The following ALMS1 variants were observed in gnomAD, a reference collection of about 807,000 sequenced individuals.
ALMS1 encodes ALMS1 centrosome and basal body associated protein, also known as centrosome-associated protein ALMS1.
Under a neutral mutation model 352.2 loss-of-function variants are expected in ALMS1, and 271 were observed. That is an observed-to-expected ratio of 0.77 (90% confidence interval 0.70 to 0.85). ALMS1 has a LOEUF of 0.85. Ranked by LOEUF, ALMS1 falls within the 40% of genes least tolerant of loss-of-function variation. The pLI, the probability that ALMS1 is intolerant of heterozygous loss-of-function variation, is 0.00. For synonymous variants in ALMS1, 1,865 were observed against 1,761.2 expected (o/e 1.06, Z -1.48); for missense variants, 5,445 against 4,870.7 (o/e 1.12, Z -3.51).
At chr2:73,553,501 C>T (rs983467757) in intron 13 of ALMS1, among the ~76,000 whole-genome samples, 2 of 151,990 alleles carry the variant, frequency 1.3e-5, no homozygotes, top group African/African-American at 4.8e-5. Flanking sequence ...CTATTTGCAG[C>T]TATGAGGATG....
intron 16 of ALMS1, among the ~76,000 whole-genome samples, chr2:73,594,927 T>G (rs1461333798): frequency 1.3e-5 from 2 of 152,194 alleles, no homozygotes; most frequent in Non-Finnish European, 2.9e-5. Context: ...CAGCTAAGCT[T>G]GTTGTGCTTC....
intron 1 of ALMS1, among the ~76,000 whole-genome samples, chr2:73,406,871 C>T (rs1339740452): frequency 6.6e-6 from 1 of 152,198 alleles, no homozygotes; most frequent in African/African-American, 2.4e-5. Context: ...AAGTGATCCA[C>T]TTGCCTTGCC....
At chr2:73,415,764 G>A (rs1671172060) in intron 2 of ALMS1, among the ~76,000 whole-genome samples, 2 of 152,174 alleles carry the variant, frequency 1.3e-5, no homozygotes, top group African/African-American at 4.8e-5. Flanking sequence ...ATTCATGCAA[G>A]GAGACGGTTC....
intron 10 of ALMS1, among the ~76,000 whole-genome samples, chr2:73,492,008 A>G (rs754972040): frequency 1.3e-5 from 2 of 152,200 alleles, no homozygotes; most frequent in African/African-American, 2.4e-5. Flanking sequence ...CAAATGATGA[A>G]GATTAGCATC....
rs747443620 is a variant in ALMS1, at chr2:73,424,458, G to A, written c.793G>A (p.Glu265Lys). ...RGIPDKSEDT[E>K]WSSRPSEVSE... ...AATTCCTGATAAGTCTGAAGATACT[G>A]AATGGTCTTCTCGACCATCGGAAGT... The change falls in exon 5 of 23, where the codon GAA becomes AAA. Residue 265 changes from glutamate (E) to lysine (K), a missense_variant. Transcript: ENST00000613296. 3.8e-6 allele frequency: 6 copies of A among 1,598,340 alleles called. 1 individual carries two copies. Among genetic ancestry groups the A allele is most frequent in the Non-Finnish European group, 3.4e-6 (4 of 1,174,398 alleles).
chr2:73,536,438 A>C (rs1418773530), intron 12 of ALMS1, among the ~76,000 whole-genome samples: 1 of 152,124 alleles, frequency 6.6e-6, no homozygotes, highest in Non-Finnish European at 1.5e-5. Context: ...TACTGTATGC[A>C]TCAGTACGAC....
intron 16 of ALMS1, among the ~76,000 whole-genome samples, chr2:73,583,079 G>C (rs999609668): frequency 6.6e-6 from 1 of 151,698 alleles, no homozygotes; most frequent in Admixed American, 6.6e-5. Flanking sequence ...TGGGTGTGAG[G>C]TAATACTGTT....
chr2:73,411,256 T>C (rs1245478995), intron 2 of ALMS1, among the ~76,000 whole-genome samples: 1 of 152,000 alleles, frequency 6.6e-6, no homozygotes, highest in African/African-American at 2.4e-5. Context: ...ATTGGAATTA[T>C]GCTGCCACAT....
rs1394743323 is a variant in ALMS1 at position 73,559,299 on chromosome 2, G to A, written c.10384+157G>A. 2.1e-5 allele frequency among the ~76,000 whole-genome samples: 3 copies of A among 145,308 alleles called. No individual in the cohort carries two copies. In the East Asian group the frequency reaches 5.8e-4, roughly 28 times the overall value. ...ACTTTCTTGTGTAAAGTACTTTGAT[G>A]CTACTATTAGGTTACTATATATATA... On this transcript the variant is annotated intron_variant, in intron 15 of 22. Transcript: ENST00000613296.
chr2:73,499,574 G>A (rs75113442), intron 10 of ALMS1, among the ~76,000 whole-genome samples: 5,850 of 152,240 alleles, frequency 0.038, 171 homozygotes, highest in Non-Finnish European at 0.059. Context: ...CTGCATGTAA[G>A]TATCCAGTTT....
chr2:73,581,989 G>T (rs1486023791), intron 16 of ALMS1, among the ~76,000 whole-genome samples: 2 of 152,138 alleles, frequency 1.3e-5, no homozygotes, highest in Non-Finnish European at 2.9e-5. Context: ...TGATCTGTCC[G>T]CCTTGGCCTC....
chr2:73,577,955 A>G (rs191828921), intron 16 of ALMS1, among the ~76,000 whole-genome samples: 74 of 152,202 alleles, frequency 4.9e-4, no homozygotes, highest in Non-Finnish European at 5.0e-4. Flanking sequence ...CAGTTTTTCT[A>G]TGGCTATCAG....
In ALMS1 at chr2:73,491,007, C is replaced by T. The variant is rs1464769523; in HGVS notation, c.9048C>T (p.Phe3016=). Residue 3016 remains phenylalanine, a synonymous_variant, in exon 10 of 23, where the codon TTC becomes TTT. Coordinates refer to ENST00000613296, the MANE Select transcript of ALMS1 (RefSeq NM_001378454.1). ...HISNINVEAK[F]NTVVSQSAPN... is the part of the protein sequence containing the mutation. Reference sequence around the variant, plus strand: ...CTAATATAAATGTTGAAGCCAAGTTCAATACTGTGGTCTCCCAGTCAGCCC... The same window carrying T: ...CTAATATAAATGTTGAAGCCAAGTTTAATACTGTGGTCTCCCAGTCAGCCC... 3.1e-6 allele frequency: 5 copies of T among 1,614,090 alleles called. No homozygotes were observed. In the African/African-American group the frequency reaches 6.7e-5, roughly 22 times the overall value.
intron 10 of ALMS1, among the ~76,000 whole-genome samples, chr2:73,497,624 A>G (rs999796682): frequency 6.6e-6 from 1 of 152,140 alleles, no homozygotes; most frequent in Admixed American, 6.6e-5. Context: ...TAATTTAAAA[A>G]TTGTCGTTGG....
rs564915050 is a variant in ALMS1, at chr2:73,510,221, A to C, written c.9540-9554A>C. Among the ~76,000 whole-genome samples the C allele has an allele frequency of 3.3e-5, 5 of 152,224 alleles. No homozygotes were observed. The South Asian group carries it at 1.0e-3, about 32-fold the overall frequency. ...CCACCTTCTGAAGCCTACTTCTGTC[A>C]ATTTGTCAAACTTATTCTCCATCCA... is the stretch of plus-strand genomic sequence containing the variant. On this transcript the variant is annotated intron_variant, in intron 10 of 22. Coordinates refer to ENST00000613296, the MANE Select transcript of ALMS1 (RefSeq NM_001378454.1).
At chr2:73,481,159 T>A (rs1199893998) in intron 9 of ALMS1, among the ~76,000 whole-genome samples, 1 of 152,210 alleles carries the variant, frequency 6.6e-6, no homozygotes, top group Non-Finnish European at 1.5e-5. Flanking sequence ...CCCACACCTA[T>A]GTCCTGAATG....
At chr2:73,444,053 C>T (rs553228271) in intron 7 of ALMS1, among the ~76,000 whole-genome samples, 4 of 152,150 alleles carry the variant, frequency 2.6e-5, no homozygotes, top group South Asian at 2.1e-4. Flanking sequence ...TTTTTATTGA[C>T]GCCCAGTCTT....
At chr2:73,424,334 C>G (rs1193345567) in intron 4 of ALMS1, 96 bp from the exon 5 acceptor site, 1 of 803,462 alleles carries the variant, frequency 1.2e-6, no homozygotes, top group African/African-American at 1.8e-5. Context: ...TTCAAATAAA[C>G]TTGATTTCAG....
intron 9 of ALMS1, among the ~76,000 whole-genome samples, chr2:73,455,658 T>C (rs1391746908): frequency 6.6e-6 from 1 of 152,200 alleles, no homozygotes; most frequent in Non-Finnish European, 1.5e-5. Context: ...TGCCTTGGCC[T>C]CCCAAAATGC....
Sources: allele counts gnomAD v4.1 joint callset (sites outside exome capture counted in the v4.1 genomes callset), GRCh38; gene constraint gnomAD v4.1.1; transcripts MANE v1.5; gene names NCBI Gene and HGNC (gene_info 2026-07-23, HGNC 2026-07-21).